CLEC2D: variants seen among roughly 807,000 people sequenced by gnomAD.
CLEC2D encodes C-type lectin related f.
Under a neutral mutation model 20.0 loss-of-function variants are expected in CLEC2D, and 16 were observed. The observed-to-expected ratio is 0.80, with a 90% CI of 0.54 to 1.22. The LOEUF is 1.22. Ranked by LOEUF, CLEC2D falls within the 50% of genes most tolerant of loss-of-function variation. CLEC2D has a pLI of 0.00. For synonymous variants in CLEC2D, 77 were observed against 71.1 expected (o/e 1.08, Z -0.42); for missense variants, 207 against 221.5 (o/e 0.93, Z 0.42).
Position 9,688,063 on chromosome 12 carries a change from C to T in CLEC2D, c.334C>T (p.Gln112Ter), listed in dbSNP as rs1865788092. ...TGACTCACAAGATGCTGATCTTGCT[C>T]AGGTTGAAAGCTTCCAGGAACTGGT... ...FCDSQDADLA[Q>*]VESFQELNFL... Residue 112 changes from glutamine to a stop codon, truncating the protein, a stop_gained, in exon 3 of 5, where the codon CAG (glutamine) becomes TAG (stop). Transcript: ENST00000290855. LOFTEE classifies it high-confidence loss of function. The T allele has an allele frequency of 6.2e-7, 1 of 1,605,476 alleles. No individual in the cohort carries two copies. Among genetic ancestry groups the T allele is most frequent in the Non-Finnish European group, 8.5e-7 (1 of 1,175,742 alleles).
rs1485894829 is a variant in CLEC2D, at chr12:9,688,032, G to A, written c.303G>A (p.Arg101=). 1 of 1,612,640 alleles carries A rather than the reference G, an allele frequency of 6.2e-7. No homozygotes were observed. Among genetic ancestry groups the A allele is most frequent in the African/African-American group, 1.3e-5 (1 of 74,796 alleles). Reference sequence around the variant, plus strand: ...CCAAGAACTGGACATCAAGTCAGAGGTTTTGTGACTCACAAGATGCTGATC... The same window carrying A: ...CCAAGAACTGGACATCAAGTCAGAGATTTTGTGACTCACAAGATGCTGATC... ...DDTKNWTSSQ[R]FCDSQDADLA... is the part of the protein sequence containing the mutation. The change falls in exon 3 of 5, where the codon AGG becomes AGA. Residue 101 remains arginine, a synonymous_variant. Transcript: ENST00000290855.
chr12:9,690,678 ATAT>A (rs1163448992), intron 3 of CLEC2D, among the ~76,000 whole-genome samples: 2 of 152,072 alleles, frequency 1.3e-5, no homozygotes, highest in Non-Finnish European at 2.9e-5. Flanking sequence ...AGCTATGTTG[ATAT>A]TATGAAATTA....
chr12:9,679,061 C>A (rs971388537), intron 1 of CLEC2D, among the ~76,000 whole-genome samples: 13 of 152,202 alleles, frequency 8.5e-5, no homozygotes, highest in Admixed American at 3.3e-4. Context: ...AAATCTAATT[C>A]TCTGCTTTTA....
At position 9,698,037 on chromosome 12, in the gene CLEC2D, T is replaced by C. The variant is rs1866039339; in HGVS notation, c.*3163T>C. 1 of 152,164 alleles carries C rather than the reference T, an allele frequency of 6.6e-6. No homozygotes were observed. Among genetic ancestry groups the C allele is most frequent in the African/African-American group, 2.4e-5 (1 of 41,440 alleles). The allele number at this position is 152,164 out of a possible 1,614,324, so 9.4% of individuals were successfully genotyped here. ...AAATATATACAATAAAAAAGCACAT[T>C]GGGAGATACATGATAAATTTCTATC... On this transcript the variant is annotated 3_prime_UTR_variant, in exon 5 of 5. Transcript: ENST00000290855.
chr12:9,679,501 C>T (rs1250978624), intron 1 of CLEC2D, among the ~76,000 whole-genome samples: 1 of 152,124 alleles, frequency 6.6e-6, no homozygotes, highest in African/African-American at 2.4e-5. Context: ...TTTGTTTCCA[C>T]TGTCTTCTTG....
chr12:9,694,290 A>G (rs930690476), intron 4 of CLEC2D, among the ~76,000 whole-genome samples: 1 of 152,212 alleles, frequency 6.6e-6, no homozygotes, highest in African/African-American at 2.4e-5. Flanking sequence ...TTTATAATCC[A>G]AATGCTGACC....
At position 9,692,893 on chromosome 12, in the gene CLEC2D, A is replaced by G. The variant is rs761410802; in HGVS notation, c.423A>G (p.Gln141=). The G allele has an allele frequency of 4.3e-6, 7 of 1,613,700 alleles. No individual in the cohort carries two copies. The highest frequency in any genetic ancestry group is 3.3e-5 in the South Asian group (3 of 91,074). The part of the protein sequence containing the change: ...HWIGLSREQG[Q]PWKWINGTEW... ...TTGGGCTGAGCAGAGAACAAGGCCA[A>G]CCATGGAAATGGATAAATGGTACTG... Residue 141 remains glutamine, a synonymous_variant, in exon 4 of 5, where the codon CAA becomes CAG. Transcript: ENST00000290855.
intron 4 of CLEC2D, chr12:9,693,763 G>A (rs995378832): frequency 2.3e-6 from 1 of 430,722 alleles, no homozygotes. Flanking sequence ...TTACAATACG[G>A]AAGTAGTAAA....
chr12:9,684,213 G>A (rs1316734253), intron 2 of CLEC2D, among the ~76,000 whole-genome samples: 7 of 152,302 alleles, frequency 4.6e-5, no homozygotes, highest in Admixed American at 3.3e-4. Flanking sequence ...TGTGATTTTT[G>A]CACATTGATT....
chr12:9,695,636 C>T lies in CLEC2D; in HGVS notation c.*762C>T, dbSNP rs1865966573. Reference sequence around the variant, plus strand: ...GCAACTTTGAAAATGTCTGTACAGCCAACGGTTTCTCTTGGGGGCTTTGAA... The same window carrying T: ...GCAACTTTGAAAATGTCTGTACAGCTAACGGTTTCTCTTGGGGGCTTTGAA... On this transcript the variant is annotated 3_prime_UTR_variant, in exon 5 of 5. Transcript: ENST00000290855. 6.4e-7 allele frequency: 1 copy of T among 1,570,548 alleles called. No individual in the cohort carries two copies. The highest frequency in any genetic ancestry group is 1.3e-5 in the African/African-American group (1 of 74,180).
chr12:9,688,195 T>A, intron 3 of CLEC2D, 109 bp downstream of exon 3: 1 of 978,284 alleles, frequency 1.0e-6, no homozygotes, highest in Non-Finnish European at 1.3e-6. Context: ...CATTGATTTT[T>A]TTTTTTTTTT....
rs1430847777 is a variant in CLEC2D, at chr12:9,672,984, A to G, written c.61+3189A>G. ...CCTGTAATCTTTTATCATGCTTCTT[A>G]GCTTCTTTGCATTGGGTTAGAACAT... is the stretch of plus-strand genomic sequence containing the variant. On this transcript the variant is annotated intron_variant, in intron 1 of 4. Coordinates refer to ENST00000290855, the MANE Select transcript of CLEC2D (RefSeq NM_013269.6). Among the ~76,000 whole-genome samples, 3 of 151,994 alleles carry G rather than the reference A, an allele frequency of 2.0e-5. No homozygotes were observed. In the East Asian group the frequency reaches 5.8e-4, roughly 29 times the overall value.
rs1865950947 is a variant in CLEC2D at position 9,695,077 on chromosome 12, G to A, written c.*203G>A. ...TGCTAATATTACCTGTTCTCCCACT[G>A]CTAATGACATACCCGAGACTGAGTA... On this transcript the variant is annotated 3_prime_UTR_variant, in exon 5 of 5. Coordinates refer to ENST00000290855, the MANE Select transcript of CLEC2D (RefSeq NM_013269.6). The A allele has an allele frequency of 1.7e-6, 1 of 580,766 alleles. No homozygotes were observed. Among genetic ancestry groups the A allele is most frequent in the Non-Finnish European group, 3.1e-6 (1 of 326,224 alleles). The allele number at this position is 580,766 out of a possible 1,614,324, so 36.0% of individuals were successfully genotyped here.
Position 9,692,949 on chromosome 12 carries a change from G to A in CLEC2D, c.461+18G>A, listed in dbSNP as rs759687806. 2 of 1,602,238 alleles carry A rather than the reference G, an allele frequency of 1.2e-6. No homozygotes were observed. Among genetic ancestry groups the A allele is most frequent in the Admixed American group, 3.3e-5 (2 of 59,850 alleles). ...ACAAGACAGTAAGTTCTAAAAATCT[G>A]GCAGTAATATTTGTATTTGAATTTA... is the stretch of plus-strand genomic sequence containing the variant. On this transcript the variant is annotated intron_variant, in intron 4 of 4. Transcript: ENST00000290855.
At chr12:9,689,895 G>A (rs907649967) in intron 3 of CLEC2D, among the ~76,000 whole-genome samples, 1 of 152,044 alleles carries the variant, frequency 6.6e-6, no homozygotes, top group Admixed American at 6.6e-5. Context: ...ACTAACATAT[G>A]TACTGTAGAA....
chr12:9,692,844 A>T lies in CLEC2D; in HGVS notation c.374A>T (p.Tyr125Phe), dbSNP rs771630296. Residue 125 changes from tyrosine (Y) to phenylalanine (F), a missense_variant, in exon 4 of 5, where the codon TAT becomes TTT. By Grantham distance (22) the Tyr-to-Phe change is conservative. Coordinates refer to ENST00000290855, the MANE Select transcript of CLEC2D (RefSeq NM_013269.6). ...TTCTGAAAGAATTTCCTGTTGAGATATAAAGGCCCATCTGATCACTGGATT... is the reference window on the plus strand; with the variant it reads ...TTCTGAAAGAATTTCCTGTTGAGATTTAAAGGCCCATCTGATCACTGGATT... ...SFQELNFLLRYKGPSDHWIGL... is the reference protein window; with the variant it reads ...SFQELNFLLRFKGPSDHWIGL... 2.2e-5 allele frequency: 35 copies of T among 1,610,518 alleles called. No individual in the cohort carries two copies. The South Asian group carries it at 3.5e-4, about 16-fold the overall frequency.
chr12:9,677,145 GTT>G (rs1167566143), intron 1 of CLEC2D, among the ~76,000 whole-genome samples: 1 of 149,854 alleles, frequency 6.7e-6, no homozygotes, highest in African/African-American at 2.5e-5. Context: ...CTTTTCTTCT[GTT>G]TAATTTGTAC....
chr12:9,674,974 G>T (rs887365135), intron 1 of CLEC2D, among the ~76,000 whole-genome samples: 1 of 152,052 alleles, frequency 6.6e-6, no homozygotes, highest in Non-Finnish European at 1.5e-5. Context: ...TACATTTTGA[G>T]TCATTTTGGG....
At chr12:9,678,905 C>A (rs560848814) in intron 1 of CLEC2D, among the ~76,000 whole-genome samples, 1 of 152,132 alleles carries the variant, frequency 6.6e-6, no homozygotes, top group East Asian at 1.9e-4. Context: ...TCCATATTTT[C>A]TCATTCTTAG....
Sources: gnomAD v4.1 joint callset for allele counts (sites outside exome capture counted in the v4.1 genomes callset) on GRCh38, gnomAD v4.1.1 for gene constraint, MANE v1.5 for transcripts, NCBI Gene and HGNC (gene_info 2026-07-23, HGNC 2026-07-21) for gene names.